KLHL2: variants seen among roughly 807,000 people sequenced by gnomAD.
KLHL2 encodes kelch-like protein 2.
A neutral mutation model predicts 75.8 loss-of-function variants in KLHL2; 15 were observed. The observed-to-expected ratio is 0.20, with a 90% confidence interval of 0.13 to 0.30. KLHL2 has a LOEUF of 0.30. Ranked by LOEUF, KLHL2 falls within the 10% of genes least tolerant of loss-of-function variation. KLHL2 has a pLI of 1.00. For missense variants in KLHL2, 381 were observed against 741.0 expected (o/e 0.51, Z 5.64); for synonymous variants, 214 against 251.9 (o/e 0.85, Z 1.42).
chr4:165,208,228 G>T (rs1037655928), intron 1 of KLHL2, among the ~76,000 whole-genome samples: 48 of 152,086 alleles, frequency 3.2e-4, no homozygotes, highest in African/African-American at 1.0e-3. Flanking sequence ...GGCACCTGGT[G>T]CCGAGTTTGC....
intron 1 of KLHL2, among the ~76,000 whole-genome samples, chr4:165,214,980 A>G (rs989550045): frequency 1.5e-4 from 23 of 152,130 alleles, no homozygotes; most frequent in Admixed American, 5.9e-4. Context: ...ATTCAGTTCT[A>G]CATACTGAAG....
At chr4:165,291,300 G>A (rs1473764309) in intron 5 of KLHL2, among the ~76,000 whole-genome samples, 1 of 152,056 alleles carries the variant, frequency 6.6e-6, no homozygotes, top group African/African-American at 2.4e-5. Context: ...TTTCTTAAGA[G>A]CATCCTTTGC....
At position 165,310,571 on chromosome 4, in the gene KLHL2, G is replaced by A; in HGVS notation, c.1058G>A (p.Gly353Glu). 6.2e-7 allele frequency: 1 copy of A among 1,613,920 alleles called. No homozygotes were observed. Among genetic ancestry groups the A allele is most frequent in the Non-Finnish European group, 8.5e-7 (1 of 1,179,884 alleles). Reference protein sequence around the residue: ...RCRAGMVYMAGLVFAVGGFNG... With the variant: ...RCRAGMVYMAELVFAVGGFNG... ...TTTGCAGGCATGGTCTACATGGCTG[G>A]ACTTGTTTTTGCTGTTGGTGGCTTT... The change falls in exon 10 of 15, where the codon GGA (glycine) becomes GAA (glutamate). Residue 353 changes from glycine to glutamate, a missense_variant. By Grantham distance (98) the Gly-to-Glu change is moderately conservative (BLOSUM62 -2). Around this residue, in one of 5 missense-constraint regions of KLHL2, gnomAD observed 168 missense variants for 370.4 expected, o/e 0.45. Coordinates refer to ENST00000226725, the MANE Select transcript of KLHL2 (RefSeq NM_007246.4).
chr4:165,247,498 G>A (rs1740357128), intron 4 of KLHL2, among the ~76,000 whole-genome samples: 1 of 152,130 alleles, frequency 6.6e-6, no homozygotes, highest in Non-Finnish European at 1.5e-5. Flanking sequence ...TAGTAGAAAA[G>A]CGAAAGTTGA....
intron 6 of KLHL2, among the ~76,000 whole-genome samples, chr4:165,294,784 A>AT (rs1744789845): frequency 6.6e-6 from 1 of 152,198 alleles, no homozygotes; most frequent in African/African-American, 2.4e-5. Flanking sequence ...TCTGAAACAA[A>AT]TGCTTTTTTG....
chr4:165,278,690 T>C (rs1458694578), intron 5 of KLHL2: 2 of 1,604,158 alleles, frequency 1.2e-6, no homozygotes, highest in Admixed American at 1.7e-5. Flanking sequence ...TACAGAACCT[T>C]CCAAAGCGTA....
At chr4:165,318,901 G>A (rs1746773841) in intron 14 of KLHL2, among the ~76,000 whole-genome samples, 1 of 152,090 alleles carries the variant, frequency 6.6e-6, no homozygotes, top group Non-Finnish European at 1.5e-5. Context: ...AATATACGTA[G>A]ATACTAGTCT....
chr4:165,292,135 G>A (rs751214069), intron 5 of KLHL2, among the ~76,000 whole-genome samples: 6 of 152,172 alleles, frequency 3.9e-5, no homozygotes, highest in Non-Finnish European at 5.9e-5. Context: ...ATCTGCAGAT[G>A]TAGAACTTGT....
At chr4:165,302,812 A>G (rs936516798) in intron 8 of KLHL2, among the ~76,000 whole-genome samples, 1 of 152,232 alleles carries the variant, frequency 6.6e-6, no homozygotes, top group African/African-American at 2.4e-5. Context: ...AAAGGAACAA[A>G]GTTTAATTGA....
chr4:165,221,754 C>T (rs989569275), intron 2 of KLHL2, among the ~76,000 whole-genome samples: 1 of 152,142 alleles, frequency 6.6e-6, no homozygotes, highest in African/African-American at 2.4e-5. Context: ...TCTAGTACCG[C>T]TTTGACAACA....
At chr4:165,297,478 A>G (rs998661222) in intron 6 of KLHL2, 131 bp from the exon 7 acceptor site, 48 of 605,724 alleles carry the variant, frequency 7.9e-5, no homozygotes, top group Non-Finnish European at 1.3e-4. Flanking sequence ...GGATTTTGAA[A>G]ACACTTGAGC....
intron 8 of KLHL2, among the ~76,000 whole-genome samples, chr4:165,301,694 T>C (rs976600623): frequency 6.6e-6 from 1 of 152,248 alleles, no homozygotes; most frequent in Non-Finnish European, 1.5e-5. Context: ...CCATTTATTT[T>C]ATTTTATTAT....
At chr4:165,313,176 T>C (rs1202158608) in intron 11 of KLHL2, 62 bp from the exon 12 acceptor site, 1 of 1,532,924 alleles carries the variant, frequency 6.5e-7, no homozygotes, top group Non-Finnish European at 8.9e-7. Flanking sequence ...GCTTGAAAAA[T>C]TAGTGTTTTT....
chr4:165,288,508 C>T (rs1453755215), intron 5 of KLHL2, among the ~76,000 whole-genome samples: 1 of 152,186 alleles, frequency 6.6e-6, no homozygotes, highest in African/African-American at 2.4e-5. Context: ...AAAATGCATT[C>T]TCACATCTGT....
intron 4 of KLHL2, among the ~76,000 whole-genome samples, chr4:165,239,869 C>T (rs1015975815): frequency 3.3e-5 from 5 of 152,044 alleles, no homozygotes; most frequent in African/African-American, 9.7e-5. Context: ...CAAACGTACA[C>T]ACAATTTTTT....
chr4:165,245,229 A>C (rs555221824), intron 4 of KLHL2, among the ~76,000 whole-genome samples: 1 of 152,238 alleles, frequency 6.6e-6, no homozygotes, highest in Non-Finnish European at 1.5e-5. Context: ...AACAAAAAAA[A>C]CTGAGGGTAG....
chr4:165,230,358 G>A (rs1355216918), intron 3 of KLHL2, among the ~76,000 whole-genome samples: 2 of 152,108 alleles, frequency 1.3e-5, no homozygotes, highest in African/African-American at 4.8e-5. Flanking sequence ...TTCCCCATCT[G>A]GAAAATGGGA....
chr4:165,260,568 G>A (rs1741579719), intron 4 of KLHL2, among the ~76,000 whole-genome samples: 1 of 149,898 alleles, frequency 6.7e-6, no homozygotes, highest in South Asian at 2.1e-4. Flanking sequence ...ACACATATAT[G>A]TGTGTGTGTG....
chr4:165,272,294 T>C (rs1024526805), intron 5 of KLHL2, among the ~76,000 whole-genome samples: 1 of 152,196 alleles, frequency 6.6e-6, no homozygotes, highest in African/African-American at 2.4e-5. Context: ...TGCAGCACTT[T>C]TGAATAGAAT....
Sources: allele counts gnomAD v4.1 joint callset (sites outside exome capture counted in the v4.1 genomes callset), GRCh38; gene constraint gnomAD v4.1.1; regional missense constraint gnomAD v4.1.1; transcripts MANE v1.5; gene names NCBI Gene and HGNC (gene_info 2026-07-23, HGNC 2026-07-21).